The following TMCO4 variants were observed in gnomAD, a reference collection of about 807,000 sequenced individuals.
The protein encoded by TMCO4 is transmembrane and coiled-coil domains 4, also known as transmembrane and coiled-coil domain-containing protein 4.
Under a neutral mutation model 64.7 loss-of-function variants are expected in TMCO4, and 58 were observed. The ratio of observed to expected loss-of-function variants is 0.90; its 90% CI spans 0.73 to 1.12. The LOEUF (loss-of-function observed/expected upper bound fraction) is 1.12. Ranked by LOEUF, TMCO4 falls within the 50% of genes most tolerant of loss-of-function variation. The pLI is 0.00. For missense variants in TMCO4, 780 were observed against 825.9 expected (o/e 0.94, Z 0.68); for synonymous variants, 325 against 346.1 (o/e 0.94, Z 0.68).
intron 4 of TMCO4, among the ~76,000 whole-genome samples, chr1:19,775,856 A>T (rs2043180764): frequency 6.6e-6 from 1 of 152,236 alleles, no homozygotes; most frequent in African/African-American, 2.4e-5. Context: ...TTTTCTAAAG[A>T]TTACTAAAAC....
chr1:19,726,713 G>A (rs760946375), intron 13 of TMCO4, among the ~76,000 whole-genome samples: 5 of 152,254 alleles, frequency 3.3e-5, no homozygotes, highest in East Asian at 1.9e-4. Flanking sequence ...ACACCTCCAC[G>A]CAGGTGGTCT....
At chr1:19,790,549 G>GAA (rs1009030502) in intron 2 of TMCO4, among the ~76,000 whole-genome samples, 1 of 150,538 alleles carries the variant, frequency 6.6e-6, no homozygotes, top group Non-Finnish European at 1.5e-5. Flanking sequence ...AGAAACATAT[G>GAA]AAAAAAAAAG....
At chr1:19,742,338 T>C (rs1467403335) in intron 10 of TMCO4, among the ~76,000 whole-genome samples, 7 of 152,176 alleles carry the variant, frequency 4.6e-5, no homozygotes, top group Admixed American at 4.6e-4. Flanking sequence ...GGTGATGTGA[T>C]GTACAGTAAG....
intron 10 of TMCO4, among the ~76,000 whole-genome samples, chr1:19,744,770 C>T (rs1162785386): frequency 6.6e-6 from 1 of 152,172 alleles, no homozygotes; most frequent in African/African-American, 2.4e-5. Context: ...AATGTCACTT[C>T]CTTCAGAACC....
At position 19,745,654 on chromosome 1, in the gene TMCO4, A is replaced by G. The variant is rs1181175714; in HGVS notation, c.758-3T>C. On this transcript the variant is annotated splice_polypyrimidine_tract_variant and splice_region_variant and intron_variant, in intron 9 of 15. Coordinates refer to ENST00000294543, the MANE Select transcript of TMCO4 (RefSeq NM_181719.7). ...CACTCGCTTCTTCATCTTGTATCCT[A>G]AAGACCCAGATCCGAGAAAGAGAAT... 6.2e-7 allele frequency: 1 copy of G among 1,606,102 alleles called. No homozygotes were observed. The highest frequency in any genetic ancestry group is 1.1e-5 in the South Asian group (1 of 90,018).
chr1:19,747,063 C>A (rs1304018028), intron 8 of TMCO4, 100 bp downstream of exon 8: 4 of 1,234,484 alleles, frequency 3.2e-6, no homozygotes, highest in Non-Finnish European at 4.7e-6. Flanking sequence ...GGGGCCACCT[C>A]CCAGCTGAGC....
At chr1:19,725,522 C>T (rs1168647016) in intron 13 of TMCO4, among the ~76,000 whole-genome samples, 1 of 152,146 alleles carries the variant, frequency 6.6e-6, no homozygotes, top group East Asian at 1.9e-4. Flanking sequence ...GTGATCAGGG[C>T]CCAGGGTCCC....
intron 13 of TMCO4, among the ~76,000 whole-genome samples, chr1:19,716,381 C>CTTTT (rs1262772167): frequency 2.4e-5 from 3 of 124,472 alleles, no homozygotes; most frequent in South Asian, 5.1e-4. Flanking sequence ...TTTTTTCTTT[C>CTTTT]TTTTTTTTTT....
chr1:19,694,720 T>G (rs529805890), intron 14 of TMCO4, among the ~76,000 whole-genome samples, 169 bp from the exon 15 acceptor site: 7 of 152,326 alleles, frequency 4.6e-5, no homozygotes, highest in Non-Finnish European at 1.0e-4. Context: ...CCACAGCTGA[T>G]GCTTTTGGAG....
intron 7 of TMCO4, among the ~76,000 whole-genome samples, chr1:19,748,997 C>G (rs376995709): frequency 6.6e-6 from 1 of 152,198 alleles, no homozygotes; most frequent in East Asian, 1.9e-4. Context: ...GTTTCTCAGT[C>G]ACTTCATTAC....
Position 19,743,924 on chromosome 1 carries a change from G to C in TMCO4, c.877+1608C>G, listed in dbSNP as rs542213064. ...CAAGTTCCTACTATGCTGGTAAAAT[G>C]CCAGACTCAAGGTAGGTGTGAACGA... On this transcript the variant is annotated intron_variant, in intron 10 of 15. Coordinates refer to ENST00000294543, the MANE Select transcript of TMCO4 (RefSeq NM_181719.7). This position sits in a 1 kb window ranked among gnomAD's most constrained non-coding sequence, Gnocchi z 4.1. 2.3e-4 allele frequency among the ~76,000 whole-genome samples: 35 copies of C among 152,308 alleles called. No individual in the cohort carries two copies. Among genetic ancestry groups the C allele is most frequent in the African/African-American group, 8.2e-4 (34 of 41,548 alleles).
chr1:19,792,088 C>T (rs1350505359), intron 2 of TMCO4, among the ~76,000 whole-genome samples: 3 of 152,148 alleles, frequency 2.0e-5, no homozygotes, highest in African/African-American at 7.2e-5. Context: ...TGAGGCCTCC[C>T]CAATCACACG....
At chr1:19,792,876 T>G (rs1489536110) in intron 2 of TMCO4, among the ~76,000 whole-genome samples, 1 of 147,666 alleles carries the variant, frequency 6.8e-6, no homozygotes, top group Non-Finnish European at 1.5e-5. Context: ...GTTCAAGCAA[T>G]TCTCCTGTCT....
At chr1:19,711,656 T>A (rs1296897114) in intron 13 of TMCO4, among the ~76,000 whole-genome samples, 1 of 151,742 alleles carries the variant, frequency 6.6e-6, no homozygotes, top group East Asian at 1.9e-4. Context: ...GCTGGGCTAA[T>A]TTTTTGCTTT....
chr1:19,701,615 T>G (rs1225264171), intron 13 of TMCO4, among the ~76,000 whole-genome samples: 2 of 152,134 alleles, frequency 1.3e-5, no homozygotes, highest in South Asian at 2.1e-4. Context: ...TATGGATGGA[T>G]GTCTTCCTTT....
At chr1:19,792,035 C>T (rs1489983271) in intron 2 of TMCO4, among the ~76,000 whole-genome samples, 1 of 152,228 alleles carries the variant, frequency 6.6e-6, no homozygotes, top group Non-Finnish European at 1.5e-5. Context: ...CTTCTCTCGT[C>T]TGCCATCATG....
At chr1:19,722,825 G>A (rs773316200) in intron 13 of TMCO4, among the ~76,000 whole-genome samples, 1 of 152,112 alleles carries the variant, frequency 6.6e-6, no homozygotes, top group Non-Finnish European at 1.5e-5. Flanking sequence ...AGGGGGCTGG[G>A]GGGTGCATCC....
chr1:19,746,475 T>C lies in TMCO4; in HGVS notation c.738A>G (p.Ala246=). 6.2e-7 allele frequency: 1 copy of C among 1,613,476 alleles called. No individual in the cohort carries two copies. Among genetic ancestry groups the C allele is most frequent in the Non-Finnish European group, 8.5e-7 (1 of 1,179,774 alleles). Residue 246 remains alanine (A), a synonymous_variant, in exon 9 of 16, where the codon GCA becomes GCG. Coordinates refer to ENST00000294543, the MANE Select transcript of TMCO4 (RefSeq NM_181719.7). The stretch of plus-strand genomic sequence containing the variant: ...CCTTACCTGTCAGGCCAGCTCCAGC[T>C]GCACCAAACAGCGAGGTCATGATGG... ...GIAIMTSLFG[A]AGAGLTGYKM...
In TMCO4 at chr1:19,737,323, G is replaced by A. The variant is rs768778149; in HGVS notation, c.1264+49C>T. 6 of 1,574,348 alleles carry A rather than the reference G, an allele frequency of 3.8e-6. No individual in the cohort carries two copies. In the Admixed American group the frequency reaches 1.0e-4, roughly 27 times the overall value. On this transcript the variant is annotated intron_variant, in intron 13 of 15. Transcript: ENST00000294543. ...CCCTGGCCCAGAACATCTGTCCCTG[G>A]GAACAAGCTTGTGAAGGGTTTCCGT...
Sources: allele counts gnomAD v4.1 joint callset (sites outside exome capture counted in the v4.1 genomes callset), GRCh38; gene constraint gnomAD v4.1.1; non-coding constraint Gnocchi (gnomAD v3.1); transcripts MANE v1.5; gene names NCBI Gene and HGNC (gene_info 2026-07-23, HGNC 2026-07-21).